Variants in AQR observed in about 807,000 individuals in gnomAD.
AQR encodes RNA helicase aquarius.
In AQR, 61 loss-of-function variants were observed where a neutral mutation model predicts 180.5. That is an observed-to-expected ratio of 0.34 (90% CI 0.28 to 0.42). The LOEUF (loss-of-function observed/expected upper bound fraction) is 0.42. AQR is among the 10% of genes least tolerant of loss of function. The pLI, the probability that AQR is intolerant of heterozygous loss-of-function variation, is 1.00. For missense variants in AQR, 1,281 were observed against 1,798.3 expected (o/e 0.71, Z 5.20); for synonymous variants, 551 against 588.8 (o/e 0.94, Z 0.93).
chr15:34,899,447 T>C (rs1893297060), intron 20 of AQR, among the ~76,000 whole-genome samples: 1 of 152,016 alleles, frequency 6.6e-6, no homozygotes, highest in Non-Finnish European at 1.5e-5. Context: ...GGTGTGATCA[T>C]AGCTCACTGC....
At chr15:34,888,416 A>G (rs925972725) in intron 24 of AQR, among the ~76,000 whole-genome samples, 2 of 151,454 alleles carry the variant, frequency 1.3e-5, no homozygotes, top group African/African-American at 4.9e-5. Flanking sequence ...AAGCAACATA[A>G]GGCTGGGCGC....
chr15:34,865,481 C>T (rs1354211386), intron 32 of AQR, among the ~76,000 whole-genome samples: 1 of 152,158 alleles, frequency 6.6e-6, no homozygotes, highest in East Asian at 1.9e-4. Flanking sequence ...ATAAGGCAGG[C>T]ACTTGGAAAA....
At chr15:34,880,266 T>C (rs1892951444) in intron 27 of AQR, among the ~76,000 whole-genome samples, 1 of 152,170 alleles carries the variant, frequency 6.6e-6, no homozygotes, top group Non-Finnish European at 1.5e-5. Context: ...TTACCTCCTA[T>C]GCATCCTTTC....
chr15:34,867,484 T>G (rs768793838), intron 32 of AQR, 40 bp downstream of exon 32: 2 of 1,529,968 alleles, frequency 1.3e-6, no homozygotes, highest in Non-Finnish European at 1.8e-6. Context: ...AAGTAGATAG[T>G]AAAGTTCAAT....
At chr15:34,929,158 A>C (rs1893810674) in intron 12 of AQR, among the ~76,000 whole-genome samples, 1 of 152,120 alleles carries the variant, frequency 6.6e-6, no homozygotes, top group African/African-American at 2.4e-5. Flanking sequence ...TACTCTGATG[A>C]TAGTTTCTTC....
At chr15:34,864,659 T>C (rs1366472698) in intron 32 of AQR, among the ~76,000 whole-genome samples, 1 of 152,130 alleles carries the variant, frequency 6.6e-6, no homozygotes, top group Non-Finnish European at 1.5e-5. Flanking sequence ...AAACTGTTGT[T>C]TTCATGGTGA....
rs34949352 is a variant in AQR, at chr15:34,882,465, T to TAAAAAAAAAAAAAAAAAA, written c.3165+19_3165+36dup. The TAAAAAAAAAAAAAAAAAA allele has an allele frequency of 6.4e-5, 77 of 1,200,364 alleles. 2 individuals carry two copies. The African/African-American group carries it at 1.3e-3, about 20-fold the overall frequency. The allele number at this position is 1,200,364 out of a possible 1,614,324, so 74.4% of individuals were successfully genotyped here. On this transcript the variant is annotated intron_variant, in intron 27 of 34. Transcript: ENST00000156471. ...GAAGTGAGCCAATCTCTGATAATCT[T>TAAAAAAAAAAAAAAAAAA]AAAAAAAAAAAAAAAAAAACTACCA...
chr15:34,927,224 A>G (rs1893778402), intron 12 of AQR, 86 bp from the exon 13 acceptor site: 3 of 755,906 alleles, frequency 4.0e-6, no homozygotes, highest in Non-Finnish European at 3.8e-6. Flanking sequence ...AATATTTTAT[A>G]AAAATATTAA....
chr15:34,914,342 G>A (rs959683236), intron 16 of AQR, among the ~76,000 whole-genome samples: 1 of 152,182 alleles, frequency 6.6e-6, no homozygotes, highest in African/African-American at 2.4e-5. Flanking sequence ...ATGCAGAGCT[G>A]CTACAATTAC....
chr15:34,928,971 C>T (rs1222468457), intron 12 of AQR, among the ~76,000 whole-genome samples: 1 of 152,090 alleles, frequency 6.6e-6, no homozygotes, highest in Non-Finnish European at 1.5e-5. Context: ...TTCATATGTT[C>T]GTTGGCCACA....
intron 17 of AQR, among the ~76,000 whole-genome samples, chr15:34,907,609 G>A (rs1893437430): frequency 6.6e-6 from 1 of 152,152 alleles, no homozygotes; most frequent in African/African-American, 2.4e-5. Flanking sequence ...TTTAATTGGG[G>A]GACTGGTTAG....
chr15:34,886,768 A>G, intron 24 of AQR, 107 bp from the exon 25 acceptor site: 1 of 1,158,678 alleles, frequency 8.6e-7, no homozygotes, highest in Non-Finnish European at 1.2e-6. Flanking sequence ...AGGAAAAAAA[A>G]CTAGAAGATA....
chr15:34,860,208 T>TAACA, intron 33 of AQR, 53 bp from the exon 34 acceptor site: 1 of 892,502 alleles, frequency 1.1e-6, no homozygotes, highest in South Asian at 2.4e-5. Context: ...CCCTAGAAGG[T>TAACA]AACACTTCAA....
intron 21 of AQR, 148 bp from the exon 22 acceptor site, chr15:34,897,114 A>G (rs1187750032): frequency 7.9e-6 from 5 of 633,630 alleles, no homozygotes; most frequent in Non-Finnish European, 1.4e-5. Context: ...CTTCACCTCT[A>G]CCCCTCAACA....
chr15:34,890,382 TAGAA>T, intron 23 of AQR, 58 bp from the exon 24 acceptor site: 2 of 1,407,408 alleles, frequency 1.4e-6, no homozygotes, highest in Non-Finnish European at 2.0e-6. Flanking sequence ...AACTAACATT[TAGAA>T]AGAATCAAAG....
At chr15:34,864,479 C>T (rs1892715318) in intron 32 of AQR, among the ~76,000 whole-genome samples, 1 of 152,112 alleles carries the variant, frequency 6.6e-6, no homozygotes, top group African/African-American at 2.4e-5. Flanking sequence ...CGCCACATTT[C>T]CTTAAAACCC....
chr15:34,876,121 AT>A (rs1215423233), intron 27 of AQR, 115 bp from the exon 28 acceptor site: 18 of 730,084 alleles, frequency 2.5e-5, no homozygotes, highest in Non-Finnish European at 4.2e-5. Flanking sequence ...CATACAAATT[AT>A]TCAGACAGAT....
chr15:34,883,286 C>A (rs1176431110), intron 26 of AQR, among the ~76,000 whole-genome samples: 1 of 152,106 alleles, frequency 6.6e-6, no homozygotes, highest in African/African-American at 2.4e-5. Flanking sequence ...ATTAAACCTG[C>A]AAGGATAAGC....
chr15:34,920,045 A>G (rs2140486090), intron 14 of AQR, among the ~76,000 whole-genome samples: 1 of 152,352 alleles, frequency 6.6e-6, no homozygotes, highest in South Asian at 2.1e-4. Flanking sequence ...AAAATAGCAC[A>G]GGAATTTTTA....
Sources: allele counts gnomAD v4.1 joint callset (sites outside exome capture counted in the v4.1 genomes callset), GRCh38; gene constraint gnomAD v4.1.1; transcripts MANE v1.5; gene names NCBI Gene and HGNC (gene_info 2026-07-23, HGNC 2026-07-21).